Variants in RPS27A observed in about 807,000 individuals in gnomAD.
RPS27A encodes the protein ubiquitin-ribosomal protein eS31 fusion protein.
A neutral mutation model predicts 18.9 loss-of-function variants in RPS27A; 1 was observed. The ratio of observed to expected loss-of-function variants is 0.05; its 90% confidence interval spans 0.02 to 0.25. The LOEUF (loss-of-function observed/expected upper bound fraction) is 0.25. Among genes scored for constraint, RPS27A ranks in the 10% least tolerant of loss-of-function variants. The pLI is 1.00. For missense variants in RPS27A, 123 were observed against 187.4 expected (o/e 0.66, Z 2.01); for synonymous variants, 77 against 63.7 (o/e 1.21, Z -0.99).
At chr2:55,234,526 A>G in intron 4 of RPS27A, 2 of 544,714 alleles carry the variant, frequency 3.7e-6, no homozygotes, top group Non-Finnish European at 6.6e-6. Context: ...ACACACAAAA[A>G]GGGAAAATGG....
At chr2:55,234,415 T>A in intron 4 of RPS27A, 1 of 598,658 alleles carries the variant, frequency 1.7e-6, no homozygotes, top group Non-Finnish European at 3.0e-6. Flanking sequence ...ATGCCCAGGC[T>A]GGTCTCAAAC....
chr2:55,234,768 T>C, intron 4 of RPS27A, 63 bp from the exon 5 acceptor site: 1 of 1,593,926 alleles, frequency 6.3e-7, no homozygotes, highest in Non-Finnish European at 8.6e-7. Context: ...AGAAAATGCA[T>C]AATGTTGGGT....
Position 55,233,087 on chromosome 2 carries a change from G to C in RPS27A, c.48+215G>C, listed in dbSNP as rs1014530971. The stretch of plus-strand genomic sequence containing the variant: ...GTCTCCTCTCGAGGGGTTCCAGCTA[G>C]TTAGTTAAAACGGAGGAGCTGCGGT... On this transcript the variant is annotated intron_variant, in intron 2 of 5. Coordinates refer to ENST00000272317, the MANE Select transcript of RPS27A (RefSeq NM_002954.6). 6 of 650,372 alleles carry C rather than the reference G, an allele frequency of 9.2e-6. No homozygotes were observed. In the African/African-American group the frequency reaches 1.1e-4, roughly 12 times the overall value. The allele number at this position is 650,372 out of a possible 1,614,324, so 40.3% of individuals were successfully genotyped here.
At position 55,233,380 on chromosome 2, in the gene RPS27A, G is replaced by C. The variant is rs1323237732; in HGVS notation, c.66G>C (p.Thr22=). The C allele has an allele frequency of 6.2e-7, 1 of 1,613,346 alleles. No homozygotes were observed. The highest frequency in any genetic ancestry group is 1.3e-5 in the African/African-American group (1 of 74,916). ...TITLEVEPSD[T]IENVKAKIQD... is the part of the protein sequence containing the mutation. ...ACTCATAGGTTGAACCCTCGGATAC[G>C]ATAGAAAATGTAAAGGCCAAGATCC... Residue 22 remains threonine (T), a synonymous_variant, in exon 3 of 6, where the codon ACG becomes ACC. Transcript: ENST00000272317.
At chr2:55,235,067 T>C in intron 5 of RPS27A, 105 bp downstream of exon 5, 1 of 1,254,012 alleles carries the variant, frequency 8.0e-7, no homozygotes, top group Non-Finnish European at 1.1e-6. Context: ...CACCCAATAT[T>C]ATCCCACTTT....
intron 2 of RPS27A, 62 bp from the exon 3 acceptor site, chr2:55,233,300 TA>T: frequency 7.3e-7 from 1 of 1,367,316 alleles, no homozygotes; most frequent in Non-Finnish European, 1.0e-6. Flanking sequence ...ATTGTCAAAC[TA>T]AATGAGTTCT....
chr2:55,234,351 A>G, intron 4 of RPS27A, 147 bp downstream of exon 4: 4 of 677,638 alleles, frequency 5.9e-6, no homozygotes, highest in Non-Finnish European at 1.1e-5. Context: ...TCTCAGACTC[A>G]GGTGGTCCTC....
chr2:55,233,533 A>G (rs1375490625), intron 3 of RPS27A, 116 bp downstream of exon 3: 4 of 747,988 alleles, frequency 5.3e-6, no homozygotes, highest in Middle Eastern at 3.6e-4. Flanking sequence ...ACAAAGCGAA[A>G]TACTTGTGGA....
rs749716930 is a variant in RPS27A at position 55,233,359 on chromosome 2, A to G, written c.49-4A>G. 1.3e-5 allele frequency: 21 copies of G among 1,610,712 alleles called. No homozygotes were observed. In the Admixed American group the frequency reaches 3.5e-4, roughly 27 times the overall value. ...CCAACATGCTTTCACTTTAACACTCATAGGTTGAACCCTCGGATACGATAG... is the reference window on the plus strand; with the variant it reads ...CCAACATGCTTTCACTTTAACACTCGTAGGTTGAACCCTCGGATACGATAG... On this transcript the variant is annotated splice_polypyrimidine_tract_variant and splice_region_variant and intron_variant, in intron 2 of 5. Transcript: ENST00000272317.
At chr2:55,232,381 C>G (rs1255182743), upstream of RPS27A, 1 of 279,122 alleles carries the variant, frequency 3.6e-6, no homozygotes, top group Non-Finnish European at 7.1e-6. Context: ...CTTCCATTTC[C>G]TACCTCTTCC....
rs780704227 is a variant in RPS27A at position 55,233,353 on chromosome 2, A to T, written c.49-10A>T. 6.2e-7 allele frequency: 1 copy of T among 1,608,980 alleles called. No homozygotes were observed. Among genetic ancestry groups the T allele is most frequent in the South Asian group, 1.1e-5 (1 of 90,992 alleles). On this transcript the variant is annotated splice_polypyrimidine_tract_variant and intron_variant, in intron 2 of 5. Transcript: ENST00000272317. ...GTGTAACCAACATGCTTTCACTTTA[A>T]CACTCATAGGTTGAACCCTCGGATA...
At chr2:55,231,981 A>AC (rs1438112361), upstream of RPS27A, 8 of 152,002 alleles carry the variant, frequency 5.3e-5, no homozygotes, top group African/African-American at 1.9e-4. Context: ...AAAGGGCTGA[A>AC]CCCCCGCTTC....
chr2:55,234,896 C>T lies in RPS27A; in HGVS notation c.255C>T (p.Tyr85=), dbSNP rs1282399475. 7 of 1,612,960 alleles carry T rather than the reference C, an allele frequency of 4.3e-6. No homozygotes were observed. The highest frequency in any genetic ancestry group is 1.1e-5 in the South Asian group (1 of 91,026). The change falls in exon 5 of 6, where the codon TAC becomes TAT. Residue 85 remains tyrosine, a synonymous_variant. Coordinates refer to ENST00000272317, the MANE Select transcript of RPS27A (RefSeq NM_002954.6). The part of the protein sequence containing the change: ...GGAKKRKKKS[Y]TTPKKNKHKR... ...CTAAGAAAAGGAAGAAGAAGTCTTA[C>T]ACCACTCCCAAGAAGAATAAGCACA... is the stretch of plus-strand genomic sequence containing the variant.
chr2:55,233,677 TGGA>T (rs1675624887), intron 3 of RPS27A: 2 of 520,200 alleles, frequency 3.8e-6, no homozygotes, highest in African/African-American at 3.8e-5. Context: ...TCGCCCAGGC[TGGA>T]GTGCATTCGC....
intron 3 of RPS27A, 190 bp downstream of exon 3, chr2:55,233,607 T>A: frequency 1.6e-6 from 1 of 621,648 alleles, no homozygotes; most frequent in Non-Finnish European, 2.9e-6. Flanking sequence ...TGAGGTGTAT[T>A]TCACTTGCGT....
intron 5 of RPS27A, 50 bp from the exon 6 acceptor site, chr2:55,235,378 C>T: frequency 6.2e-7 from 1 of 1,601,756 alleles, no homozygotes; most frequent in Middle Eastern, 2.3e-4. Flanking sequence ...TTAAATTAGA[C>T]TTCAGAATGT....
rs1675598629 is a variant in RPS27A, at chr2:55,233,381, A to G, written c.67A>G (p.Ile23Val). The G allele has an allele frequency of 1.2e-6, 2 of 1,613,574 alleles. No individual in the cohort carries two copies. The highest frequency in any genetic ancestry group is 1.7e-4 in the Middle Eastern group (1 of 6,044). ...ITLEVEPSDT[I>V]ENVKAKIQDK... is the part of the protein sequence containing the mutation. ...CTCATAGGTTGAACCCTCGGATACG[A>G]TAGAAAATGTAAAGGCCAAGATCCA... The change falls in exon 3 of 6, where the codon ATA becomes GTA. Residue 23 changes from isoleucine (I) to valine (V), a missense_variant. Around this residue, in one of 2 missense-constraint regions of RPS27A, gnomAD observed 66 missense variants for 72.6 expected, o/e 0.91. Coordinates refer to ENST00000272317, the MANE Select transcript of RPS27A (RefSeq NM_002954.6).
At chr2:55,234,716 G>A in intron 4 of RPS27A, 115 bp from the exon 5 acceptor site, 1 of 1,237,478 alleles carries the variant, frequency 8.1e-7, no homozygotes, top group South Asian at 1.3e-5. Flanking sequence ...GGGGCTGCAA[G>A]ATTCCCTCAA....
intron 4 of RPS27A, chr2:55,234,583 G>A (rs771913187): frequency 1.4e-5 from 8 of 573,426 alleles, no homozygotes; most frequent in Non-Finnish European, 1.9e-5. Flanking sequence ...ACTGATACTT[G>A]AGAAGCACTG....
Sources: allele counts gnomAD v4.1 joint callset, GRCh38; gene constraint gnomAD v4.1.1; regional missense constraint gnomAD v4.1.1; transcripts MANE v1.5; gene names NCBI Gene and HGNC (gene_info 2026-07-23, HGNC 2026-07-21).